Variants in MUC12 observed in about 807,000 individuals in gnomAD.
MUC12 encodes mucin 12, cell surface associated, also known as mucin-12.
In MUC12, 172 loss-of-function variants were observed where a neutral mutation model predicts 230.8. The observed-to-expected ratio is 0.75, with a 90% CI of 0.66 to 0.85. The LOEUF is 0.85. Among genes scored for constraint, MUC12 ranks in the 40% least tolerant of loss-of-function variants. The probability of loss-of-function intolerance (pLI) is 0.00; values close to 1 mark genes in which losing one functional copy is unlikely to be tolerated. For synonymous variants in MUC12, 1,259 were observed against 2,401.9 expected, an observed-to-expected ratio of 0.52 and a Z score of 13.91; for missense variants, 3,506 against 5,920.6, an observed-to-expected ratio of 0.59 and a Z score of 13.38.
In MUC12 at chr7:100,991,177, C is replaced by T. The variant is rs1330366959; in HGVS notation, c.614C>T (p.Thr205Ile). 2.6e-6 allele frequency: 4 copies of T among 1,537,616 alleles called. No homozygotes were observed. Among genetic ancestry groups the T allele is most frequent in the Admixed American group, 3.9e-5 (2 of 50,994 alleles). ...CACAGCATCCCCGGCTCCACAGACA[C>T]AACACTGTCCCCTGGCACTACCACA... ...ASHSIPGSTD[T>I]TLSPGTTTPS... Residue 205 changes from threonine (T) to isoleucine (I), a missense_variant, in exon 2 of 12, where the codon ACA becomes ATA. Transcript: ENST00000536621.
intron 1 of MUC12, among the ~76,000 whole-genome samples, chr7:100,977,819 C>T (rs1450793672): frequency 2.0e-5 from 3 of 150,652 alleles, no homozygotes; most frequent in African/African-American, 7.3e-5. Flanking sequence ...CCACTGGCCT[C>T]GGCCTCTCAA....
In MUC12 at chr7:100,990,651, A is replaced by G. The variant is rs1793266007; in HGVS notation, c.88A>G (p.Ile30Val). The G allele has an allele frequency of 6.5e-6, 10 of 1,537,438 alleles. No individual in the cohort carries two copies. Among genetic ancestry groups the G allele is most frequent in the African/African-American group, 1.4e-5 (1 of 73,038 alleles). The stretch of plus-strand genomic sequence containing the variant: ...CACAGGCTCAACAGTAAACACCAGT[A>G]TTGGAGGTAATACAACTTCTGCATC... Reference protein sequence around the residue: ...VTPGSTVNTSIGGNTTSASTP... With the variant: ...VTPGSTVNTSVGGNTTSASTP... The change falls in exon 2 of 12, where the codon ATT becomes GTT. Residue 30 changes from isoleucine (I) to valine (V), a missense_variant. Coordinates refer to ENST00000536621, the MANE Select transcript of MUC12 (RefSeq NM_001164462.2).
At position 101,004,702 on chromosome 7, in the gene MUC12, C is replaced by G; in HGVS notation, c.14139C>G (p.Thr4713=). The stretch of plus-strand genomic sequence containing the variant: ...CAGGCCGCATTGCAGAATCTACCAC[C>G]TTCTATATCTCTCCAGGCTCAATGG... The part of the protein sequence containing the change: ...TTSGRIAEST[T]FYISPGSMET... Residue 4713 remains threonine, a synonymous_variant, in exon 2 of 12, where the codon ACC becomes ACG. Coordinates refer to ENST00000536621, the MANE Select transcript of MUC12 (RefSeq NM_001164462.2). 6.5e-7 allele frequency: 1 copy of G among 1,537,802 alleles called. No individual in the cohort carries two copies. The highest frequency in any genetic ancestry group is 8.7e-7 in the Non-Finnish European group (1 of 1,147,030).
At chr7:100,988,775 C>G (rs1341065159) in intron 1 of MUC12, among the ~76,000 whole-genome samples, 1 of 152,144 alleles carries the variant, frequency 6.6e-6, no homozygotes, top group Non-Finnish European at 1.5e-5. Context: ...CAAATCTCAT[C>G]TTGAATTGTA....
At position 101,004,549 on chromosome 7, in the gene MUC12, G is replaced by T; in HGVS notation, c.13986G>T (p.Pro4662=). 1 of 1,536,312 alleles carries T rather than the reference G, an allele frequency of 6.5e-7. No homozygotes were observed. The highest frequency in any genetic ancestry group is 8.7e-7 in the Non-Finnish European group (1 of 1,146,642). Residue 4662 remains proline, a synonymous_variant, in exon 2 of 12, where the codon CCG becomes CCT. Transcript: ENST00000536621. ...AACCTACCAGCTACCACAGCAGCCC[G>T]GGCTCAATTGCAACAACACACTTTC... is the stretch of plus-strand genomic sequence containing the variant. ...VEEPTSYHSS[P]GSIATTHFPE...
At chr7:100,989,934 C>T (rs113340795) in intron 1 of MUC12, among the ~76,000 whole-genome samples, 10,537 of 152,038 alleles carry the variant, frequency 0.069, 501 homozygotes, top group Non-Finnish European at 0.11. Context: ...CTCAAGTGAT[C>T]CACCCACCTC....
At position 100,991,614 on chromosome 7, in the gene MUC12, A is replaced by T. The variant is rs1479863409; in HGVS notation, c.1051A>T (p.Thr351Ser). The change falls in exon 2 of 12, where the codon ACC becomes TCC. Residue 351 changes from threonine to serine, a missense_variant. Transcript: ENST00000536621. The stretch of plus-strand genomic sequence containing the variant: ...AACACCCCCACCTGCCCGCTCCGCG[A>T]CCTCAGGCCATGTTGAAGAATCTAC... Reference protein sequence around the residue: ...ATTPPPARSATSGHVEESTAY... With the variant: ...ATTPPPARSASSGHVEESTAY... 1.3e-6 allele frequency: 2 copies of T among 1,536,726 alleles called. No individual in the cohort carries two copies. The highest frequency in any genetic ancestry group is 1.7e-6 in the Non-Finnish European group (2 of 1,146,354).
Position 100,990,642 on chromosome 7 carries a change from A to C in MUC12, c.79A>C (p.Asn27His), listed in dbSNP as rs1279585758. The change falls in exon 2 of 12, where the codon AAC becomes CAC. Residue 27 changes from asparagine (N) to histidine (H), a missense_variant. By Grantham distance (68) the Asn-to-His change is moderately conservative. Transcript: ENST00000536621. ...CTCTCAAATCACAGGCTCAACAGTA[A>C]ACACCAGTATTGGAGGTAATACAAC... ...VTTVTPGSTV[N>H]TSIGGNTTSA... 6.5e-7 allele frequency: 1 copy of C among 1,537,502 alleles called. No individual in the cohort carries two copies. The highest frequency in any genetic ancestry group is 1.4e-5 in the African/African-American group (1 of 73,164).
chr7:101,012,750 C>A, intron 6 of MUC12, 69 bp from the exon 7 acceptor site: 5 of 1,489,800 alleles, frequency 3.4e-6, no homozygotes, highest in South Asian at 1.2e-5. Context: ...AAGAGAGAGG[C>A]CTGGCTACCC....
chr7:100,973,066 G>A, intron 1 of MUC12: 1 of 616,806 alleles, frequency 1.6e-6, no homozygotes, highest in Non-Finnish European at 2.9e-6. Flanking sequence ...GATGACAGGA[G>A]CAGTAAGACC....
In MUC12 at chr7:100,995,580, A is replaced by G. The variant is rs1399718441; in HGVS notation, c.5017A>G (p.Thr1673Ala). The change falls in exon 2 of 12, where the codon ACA (threonine) becomes GCA (alanine). Residue 1673 changes from threonine to alanine, a missense_variant. By Grantham distance (58) the Thr-to-Ala change is moderately conservative. Transcript: ENST00000536621. ...CAGCAGCACTGGATCGCCACACACA[A>G]CACTGTCCCCTGCCGGCTCTACAAC... ...VHSSTGSPHT[T>A]LSPAGSTTRQ... 23 of 1,536,814 alleles carry G rather than the reference A, an allele frequency of 1.5e-5. No homozygotes were observed. The highest frequency in any genetic ancestry group is 1.2e-4 in the South Asian group (10 of 84,038).
Position 100,991,423 on chromosome 7 carries a change from C to T in MUC12, c.860C>T (p.Thr287Ile). The T allele has an allele frequency of 3.3e-6, 5 of 1,537,834 alleles. No individual in the cohort carries two copies. The highest frequency in any genetic ancestry group is 1.2e-5 in the South Asian group (1 of 84,056). The change falls in exon 2 of 12, where the codon ACT (threonine) becomes ATT (isoleucine). Residue 287 changes from threonine (T) to isoleucine (I), a missense_variant. Transcript: ENST00000536621. ...TFQSWPSSKD[T>I]SPAPSGTTSA... is the part of the protein sequence containing the mutation. ...CAGAGCTGGCCAAGCTCAAAGGACA[C>T]TTCGCCTGCACCTTCTGGTACCACA... is the stretch of plus-strand genomic sequence containing the variant.
chr7:101,012,157 C>A, intron 5 of MUC12, 139 bp from the exon 6 acceptor site: 2 of 856,804 alleles, frequency 2.3e-6, no homozygotes, highest in Non-Finnish European at 3.5e-6. Flanking sequence ...TGGTTAGCTG[C>A]TGGAGGGAAG....
chr7:101,012,314 C>A lies in MUC12; in HGVS notation c.15270C>A (p.Val5090=). The A allele has an allele frequency of 1.3e-6, 2 of 1,537,158 alleles. No individual in the cohort carries two copies. The highest frequency in any genetic ancestry group is 2.4e-5 in the South Asian group (2 of 84,032). The change falls in exon 6 of 12, where the codon GTC becomes GTA. Residue 5090 remains valine, a synonymous_variant. Coordinates refer to ENST00000536621, the MANE Select transcript of MUC12 (RefSeq NM_001164462.2). ...IRRLLNGSIV[V]KNDVILEADY... ...CTTCCAGCAACGGTAGCATCGTGGT[C>A]AAGAACGATGTCATCCTGGAGGCAG... is the stretch of plus-strand genomic sequence containing the variant.
At position 101,012,827 on chromosome 7, in the gene MUC12, C is replaced by G; in HGVS notation, c.15412C>G (p.Leu5138Val). The G allele has an allele frequency of 1.3e-6, 2 of 1,537,244 alleles. No individual in the cohort carries two copies. Among genetic ancestry groups the G allele is most frequent in the Non-Finnish European group, 1.7e-6 (2 of 1,146,916 alleles). ...CCATCCACTCTCGGCAGAGGCCATA[C>G]TGTGCTATAGTGAAGAGGACACTTT... The part of the protein sequence containing the change: ...LDPDSCRKAI[L>V]CYSEEDTFVD... The change falls in exon 7 of 12, where the codon CTG (leucine) becomes GTG (valine). Residue 5138 changes from leucine (L) to valine (V), a missense_variant. Physicochemically the swap from Leu to Val is conservative, Grantham distance 32. Coordinates refer to ENST00000536621, the MANE Select transcript of MUC12 (RefSeq NM_001164462.2).
intron 1 of MUC12, among the ~76,000 whole-genome samples, chr7:100,983,114 A>T (rs1023434259): frequency 6.6e-6 from 1 of 151,730 alleles, no homozygotes; most frequent in Non-Finnish European, 1.5e-5. Context: ...TAGAACCTTG[A>T]TTCCTATGTA....
In MUC12 at chr7:100,995,581, C is replaced by T. The variant is rs376513428; in HGVS notation, c.5018C>T (p.Thr1673Ile). 3 of 1,536,920 alleles carry T rather than the reference C, an allele frequency of 2.0e-6. No individual in the cohort carries two copies. The highest frequency in any genetic ancestry group is 1.7e-6 in the Non-Finnish European group (2 of 1,147,036). Residue 1673 changes from threonine to isoleucine, a missense_variant, in exon 2 of 12, where the codon ACA (threonine) becomes ATA (isoleucine). Transcript: ENST00000536621. ...AGCAGCACTGGATCGCCACACACAA[C>T]ACTGTCCCCTGCCGGCTCTACAACA... ...VHSSTGSPHT[T>I]LSPAGSTTRQ...
rs370134249 is a variant in MUC12, at chr7:101,000,357, C to G, written c.9794C>G (p.Ala3265Gly). The change falls in exon 2 of 12, where the codon GCC becomes GGC. Residue 3265 changes from alanine to glycine, a missense_variant. Coordinates refer to ENST00000536621, the MANE Select transcript of MUC12 (RefSeq NM_001164462.2). ...TTPAPPTTTS[A>G]FVELSTTSHG... is the part of the protein sequence containing the mutation. Reference sequence around the variant, plus strand: ...CCTGCACCTCCTACTACCACATCAGCCTTTGTTGAGCTATCTACAACCTCC... The same window carrying G: ...CCTGCACCTCCTACTACCACATCAGGCTTTGTTGAGCTATCTACAACCTCC... The G allele has an allele frequency of 2.5e-3, 3,838 of 1,533,294 alleles. No homozygotes were observed. The African/African-American group carries it at 0.048, about 19-fold the overall frequency. The allele number at this position is 1,533,294 out of a possible 1,614,324, so 95.0% of individuals were successfully genotyped here.
Position 101,012,835 on chromosome 7 carries a change from T to C in MUC12, c.15420T>C (p.Tyr5140=), listed in dbSNP as rs149987142. 8.1e-5 allele frequency: 125 copies of C among 1,537,272 alleles called. No homozygotes were observed. In the East Asian group the frequency reaches 2.1e-3, roughly 25 times the overall value. Reference sequence around the variant, plus strand: ...TCTCGGCAGAGGCCATACTGTGCTATAGTGAAGAGGACACTTTCGTGGATT... The same window carrying C: ...TCTCGGCAGAGGCCATACTGTGCTACAGTGAAGAGGACACTTTCGTGGATT... ...PDSCRKAILC[Y]SEEDTFVDSS... is the part of the protein sequence containing the mutation. Residue 5140 remains tyrosine (Y), a synonymous_variant, in exon 7 of 12, where the codon TAT becomes TAC. Transcript: ENST00000536621.
Sources: gnomAD v4.1 joint callset for allele counts (sites outside exome capture counted in the v4.1 genomes callset) on GRCh38, gnomAD v4.1.1 for gene constraint, MANE v1.5 for transcripts, NCBI Gene and HGNC (gene_info 2026-07-23, HGNC 2026-07-21) for gene names.